PCDHGB2: variants seen among roughly 807,000 people sequenced by gnomAD.
PCDHGB2 encodes the protein protocadherin gamma-B2.
Under a neutral mutation model 59.3 loss-of-function variants are expected in PCDHGB2, and 55 were observed. That is an observed-to-expected ratio of 0.93 (90% CI 0.75 to 1.16). The LOEUF (loss-of-function observed/expected upper bound fraction) is 1.16, where lower values mean the gene tolerates loss of function less well. PCDHGB2 is among the 50% of genes most tolerant of loss of function. The pLI, the probability that PCDHGB2 is intolerant of heterozygous loss-of-function variation, is 0.00. For missense variants in PCDHGB2, 1,228 were observed against 1,198.5 expected (o/e 1.02, Z -0.36); for synonymous variants, 516 against 512.0 (o/e 1.01, Z -0.11).
chr5:141,395,063 G>A, intron 1 of PCDHGB2: 3 of 1,614,168 alleles, frequency 1.9e-6, no homozygotes, highest in Non-Finnish European at 2.5e-6. Flanking sequence ...AGGCTTTCCT[G>A]CAGACCTATT....
intron 1 of PCDHGB2, chr5:141,409,257 T>C: frequency 6.2e-7 from 1 of 1,614,022 alleles, no homozygotes; most frequent in Non-Finnish European, 8.5e-7. Flanking sequence ...ATCACTTCTC[T>C]CTCTGATCAG....
chr5:141,375,058 A>C (rs1346702145), intron 1 of PCDHGB2: 3 of 1,614,066 alleles, frequency 1.9e-6, no homozygotes, highest in Non-Finnish European at 2.5e-6. Context: ...GGGATGGGCC[A>C]GGTCTTCGAG....
intron 1 of PCDHGB2, chr5:141,384,276 C>A: frequency 6.2e-7 from 1 of 1,613,888 alleles, no homozygotes; most frequent in Non-Finnish European, 8.5e-7. Context: ...CCTACTCAGT[C>A]TACATCGCTG....
Position 141,490,965 on chromosome 5 carries a change from C to G in PCDHGB2, c.2422-3842C>G. On this transcript the variant is annotated intron_variant, in intron 1 of 3. Coordinates refer to ENST00000522605, the MANE Select transcript of PCDHGB2 (RefSeq NM_018923.3). This position sits in a 1 kb window ranked among gnomAD's most constrained non-coding sequence, Gnocchi z 5.4. ...CACGGCCAGACTGGGAACACTCAGC[C>G]CCCCAGCGTCTCCCTCGCTCTGCTC... is the stretch of plus-strand genomic sequence containing the variant. 5 of 1,613,856 alleles carry G rather than the reference C, an allele frequency of 3.1e-6. No homozygotes were observed. The highest frequency in any genetic ancestry group is 3.3e-4 in the Middle Eastern group (2 of 6,062).
intron 1 of PCDHGB2, chr5:141,384,578 C>T: frequency 5.0e-6 from 8 of 1,614,256 alleles, no homozygotes; most frequent in Non-Finnish European, 6.8e-6. Flanking sequence ...GACAACCCGC[C>T]CGAGATCCTG....
Position 141,491,176 on chromosome 5 carries a change from G to A in PCDHGB2, c.2422-3631G>A. The A allele has an allele frequency of 1.2e-6, 2 of 1,614,210 alleles. No homozygotes were observed. The highest frequency in any genetic ancestry group is 8.5e-7 in the Non-Finnish European group (1 of 1,180,024). On this transcript the variant is annotated intron_variant, in intron 1 of 3. Transcript: ENST00000522605. The surrounding 1 kb of genome is among the most constrained non-coding windows in gnomAD (Gnocchi z 6.9). ...TGACTCTGACACCCAGCAGGTGGTG[G>A]TCCTGGTGAGGGACAATGGTGACCC...
At chr5:141,382,873 C>G (rs1338163064) in intron 1 of PCDHGB2, 4 of 1,522,326 alleles carry the variant, frequency 2.6e-6, no homozygotes, top group Non-Finnish European at 3.5e-6. Context: ...CCGAGATCGG[C>G]GCCTAAGCAA....
chr5:141,497,211 G>C (rs914346878), intron 2 of PCDHGB2, among the ~76,000 whole-genome samples: 19 of 28,538 alleles, frequency 6.7e-4, no homozygotes, highest in African/African-American at 2.3e-3. Flanking sequence ...GAGTGTAATG[G>C]GGGGGGGAAG....
chr5:141,383,125 G>A (rs757654723), intron 1 of PCDHGB2: 6 of 1,614,062 alleles, frequency 3.7e-6, no homozygotes, highest in South Asian at 3.3e-5. Context: ...GCAGCTTTTC[G>A]CCCTGAACCA....
chr5:141,490,149 T>C lies in PCDHGB2; in HGVS notation c.2422-4658T>C. The C allele has an allele frequency of 1.9e-6, 3 of 1,614,188 alleles. No individual in the cohort carries two copies. The highest frequency in any genetic ancestry group is 2.7e-5 in the African/African-American group (2 of 75,050). On this transcript the variant is annotated intron_variant, in intron 1 of 3. Coordinates refer to ENST00000522605, the MANE Select transcript of PCDHGB2 (RefSeq NM_018923.3). This position sits in a 1 kb window ranked among gnomAD's most constrained non-coding sequence, Gnocchi z 5.4. ...TAGACCCTAGCAGTGGGGCAATCCA[T>C]GTGTTGGGTCCCATAGACTTTGAGG... is the stretch of plus-strand genomic sequence containing the variant.
Position 141,491,793 on chromosome 5 carries a change from C to A in PCDHGB2, c.2422-3014C>A. 6.6e-7 allele frequency: 1 copy of A among 1,511,410 alleles called. No homozygotes were observed. The highest frequency in any genetic ancestry group is 1.3e-5 in the South Asian group (1 of 77,572). The allele number at this position is 1,511,410 out of a possible 1,614,324, so 93.6% of individuals were successfully genotyped here. On this transcript the variant is annotated intron_variant, in intron 1 of 3. Coordinates refer to ENST00000522605, the MANE Select transcript of PCDHGB2 (RefSeq NM_018923.3). This position sits in a 1 kb window ranked among gnomAD's most constrained non-coding sequence, Gnocchi z 6.9. ...AGGGATTGAACTTGCATCCACTCCT[C>A]TCCGGCCGGCTTGGTCGCTGGCTGC...
At chr5:141,430,680 C>G (rs990086941) in intron 1 of PCDHGB2, 8 of 1,343,124 alleles carry the variant, frequency 6.0e-6, no homozygotes, top group Non-Finnish European at 8.0e-6. Context: ...TCCCAACTGT[C>G]CCATTCTATG....
At chr5:141,508,824 G>T (rs893436748) in intron 3 of PCDHGB2, among the ~76,000 whole-genome samples, 1 of 151,952 alleles carries the variant, frequency 6.6e-6, no homozygotes, top group Non-Finnish European at 1.5e-5. Context: ...CCAGATCTGG[G>T]CCCCCCTCCC....
chr5:141,456,783 C>G (rs1400541298), intron 1 of PCDHGB2, among the ~76,000 whole-genome samples: 3 of 151,802 alleles, frequency 2.0e-5, no homozygotes, highest in African/African-American at 4.8e-5. Flanking sequence ...GCCTACATGG[C>G]AAAACCCCAT....
intron 1 of PCDHGB2, chr5:141,371,806 T>A (rs773656836): frequency 6.2e-7 from 1 of 1,613,888 alleles, no homozygotes; most frequent in South Asian, 1.1e-5. Context: ...GGAGCCTCCA[T>A]TGCGCATGTC....
intron 1 of PCDHGB2, chr5:141,399,951 C>A (rs749264259): frequency 6.2e-7 from 1 of 1,612,120 alleles, no homozygotes; most frequent in Non-Finnish European, 8.5e-7. Flanking sequence ...TGCAGGCTAG[C>A]GAGCCCGGGC....
At chr5:141,467,649 T>C (rs2099147987) in intron 1 of PCDHGB2, among the ~76,000 whole-genome samples, 1 of 152,146 alleles carries the variant, frequency 6.6e-6, no homozygotes, top group Non-Finnish European at 1.5e-5. Flanking sequence ...TGTACCAAAC[T>C]TCTATAGTGC....
intron 1 of PCDHGB2, chr5:141,398,610 T>C: frequency 6.2e-7 from 1 of 1,614,020 alleles, no homozygotes. Context: ...AAGATGCAGA[T>C]ATTGGCTTAA....
At chr5:141,408,600 T>C (rs761951478) in intron 1 of PCDHGB2, 7 of 1,613,998 alleles carry the variant, frequency 4.3e-6, no homozygotes, top group Non-Finnish European at 4.2e-6. Flanking sequence ...GCCCCTCAAT[T>C]TGATAAAAAG....
Sources: allele counts gnomAD v4.1 joint callset (sites outside exome capture counted in the v4.1 genomes callset), GRCh38; gene constraint gnomAD v4.1.1; non-coding constraint Gnocchi (gnomAD v3.1); transcripts MANE v1.5; gene names NCBI Gene and HGNC (gene_info 2026-07-23, HGNC 2026-07-21).